Variants in METTL8 observed in about 807,000 individuals in gnomAD.
The protein encoded by METTL8 is tRNA N(3)-cytidine methyltransferase METTL8, mitochondrial.
METTL8 carries 32 observed loss-of-function variants against 48.7 expected under a neutral mutation model. The observed-to-expected ratio is 0.66, with a 90% CI of 0.50 to 0.88. METTL8 has a LOEUF of 0.88. METTL8 is among the 40% of genes least tolerant of loss of function. The probability of loss-of-function intolerance (pLI) is 0.00; values close to 1 mark genes in which losing one functional copy is unlikely to be tolerated. For missense variants in METTL8, 464 were observed against 474.4 expected (o/e 0.98, Z 0.20); for synonymous variants, 136 against 157.1 (o/e 0.87, Z 1.01).
chr2:171,353,776 T>A (rs1298990532), intron 3 of METTL8, among the ~76,000 whole-genome samples: 3 of 152,210 alleles, frequency 2.0e-5, no homozygotes, highest in Non-Finnish European at 4.4e-5. Context: ...AGACTAGGAT[T>A]GCAACCCCTG....
At chr2:171,404,036 A>G (rs770734111) in intron 1 of METTL8, among the ~76,000 whole-genome samples, 44 of 121,352 alleles carry the variant, frequency 3.6e-4, no homozygotes, top group Non-Finnish European at 5.7e-4. Flanking sequence ...CAAACCCTAT[A>G]CATACTATGC....
chr2:171,411,998 CCA>C (rs1389320401), intron 1 of METTL8, among the ~76,000 whole-genome samples: 1 of 152,146 alleles, frequency 6.6e-6, no homozygotes, highest in Non-Finnish European at 1.5e-5. Context: ...ATGCAGATGG[CCA>C]CTAGACACTT....
At chr2:171,389,826 G>C (rs1688423709) in intron 2 of METTL8, among the ~76,000 whole-genome samples, 2 of 152,220 alleles carry the variant, frequency 1.3e-5, no homozygotes, top group Non-Finnish European at 2.9e-5. Context: ...AGTGCTGATG[G>C]AGAAGCTGTA....
intron 3 of METTL8, among the ~76,000 whole-genome samples, chr2:171,343,683 A>T (rs777079043): frequency 2.6e-5 from 4 of 152,206 alleles, no homozygotes; most frequent in Non-Finnish European, 5.9e-5. Context: ...TGAATTCTTC[A>T]TTCAAATTGC....
chr2:171,391,064 G>C (rs1031373477), intron 2 of METTL8, among the ~76,000 whole-genome samples: 3 of 152,068 alleles, frequency 2.0e-5, no homozygotes, highest in African/African-American at 7.2e-5. Flanking sequence ...AAACTCCATT[G>C]TTGTCTTATT....
At chr2:171,397,049 T>C (rs1386490017) in intron 1 of METTL8, among the ~76,000 whole-genome samples, 1 of 151,170 alleles carries the variant, frequency 6.6e-6, no homozygotes, top group Admixed American at 6.6e-5. Flanking sequence ...CTTGAACTCC[T>C]AGGCTCAAGG....
At chr2:171,422,907 G>A (rs2105660558) in intron 1 of METTL8, among the ~76,000 whole-genome samples, 1 of 152,304 alleles carries the variant, frequency 6.6e-6, no homozygotes, top group Non-Finnish European at 1.5e-5. Flanking sequence ...TAAAAAAGCT[G>A]AAGGTGCATA....
intron 1 of METTL8, among the ~76,000 whole-genome samples, chr2:171,407,263 T>C (rs537131188): frequency 6.6e-6 from 1 of 152,144 alleles, no homozygotes; most frequent in East Asian, 1.9e-4. Context: ...GGAGGATCAC[T>C]TGAGCCCAGG....
At chr2:171,384,984 TA>T (rs922692594) in intron 2 of METTL8, among the ~76,000 whole-genome samples, 19 of 151,008 alleles carry the variant, frequency 1.3e-4, no homozygotes, top group African/African-American at 2.4e-4. Flanking sequence ...TTCTTAAAAT[TA>T]AAAAAAAATA....
intron 2 of METTL8, among the ~76,000 whole-genome samples, chr2:171,368,123 TAAA>T (rs1685909108): frequency 6.6e-6 from 1 of 152,180 alleles, no homozygotes; most frequent in African/African-American, 2.4e-5. Context: ...ATGAAACAAT[TAAA>T]AAATTTTCAA....
At chr2:171,380,289 AT>A (rs1472590872) in intron 2 of METTL8, among the ~76,000 whole-genome samples, 2 of 152,242 alleles carry the variant, frequency 1.3e-5, no homozygotes, top group Non-Finnish European at 2.9e-5. Context: ...CATGGCCAAT[AT>A]TATACTGAAT....
intron 3 of METTL8, among the ~76,000 whole-genome samples, chr2:171,349,198 T>TAC (rs1683611641): frequency 6.6e-6 from 1 of 152,196 alleles, no homozygotes; most frequent in Non-Finnish European, 1.5e-5. Context: ...CCAAATTATA[T>TAC]ATGTATTATA....
In METTL8 at chr2:171,356,952, A is replaced by ATGTTTTTTTTTGTTTTT; in HGVS notation, c.235+3469_235+3470insAAAAACAAAAAAAAACA. Among the ~76,000 whole-genome samples the ATGTTTTTTTTTGTTTTT allele has an allele frequency of 8.7e-4, 68 of 78,486 alleles. 11 individuals carry two copies. The East Asian group carries it at 0.01, about 12-fold the overall frequency. 51.5% of individuals were successfully genotyped at this position (78,486 alleles called of 152,430 possible). A position where few individuals can be genotyped will look rare whatever the true frequency, so the allele number is the denominator to read the frequency against. On this transcript the variant is annotated intron_variant, in intron 3 of 9. Coordinates refer to ENST00000375258, the MANE Select transcript of METTL8 (RefSeq NM_001321154.2). Reference sequence around the variant, plus strand: ...CAAATTAGCCTTGTTCAAAGACAATATTTTTTTTTTTTTTTTTGAGACAGG... The same window carrying ATGTTTTTTTTTGTTTTT: ...CAAATTAGCCTTGTTCAAAGACAATATGTTTTTTTTTGTTTTTTTTTTTTTTTTTTTTTTGAGACAGG...
chr2:171,376,161 C>T (rs1686941990), intron 2 of METTL8, among the ~76,000 whole-genome samples: 1 of 152,190 alleles, frequency 6.6e-6, no homozygotes, highest in South Asian at 2.1e-4. Flanking sequence ...CTGGGCTGGT[C>T]TATTTGCTTG....
Position 171,317,255 on chromosome 2 carries a change from A to G in METTL8, c.*6917T>C, listed in dbSNP as rs1288066049. ...ACACTTGATATATAAAGGTTAACTG[A>G]GGAAAAAATTAATTTCTGCGTTTTC... On this transcript the variant is annotated 3_prime_UTR_variant, in exon 10 of 10. Coordinates refer to ENST00000375258, the MANE Select transcript of METTL8 (RefSeq NM_001321154.2). 1 of 152,224 alleles carries G rather than the reference A, an allele frequency of 6.6e-6. No homozygotes were observed. Among genetic ancestry groups the G allele is most frequent in the African/African-American group, 2.4e-5 (1 of 41,448 alleles). 9.4% of individuals were successfully genotyped at this position (152,224 alleles called of 1,614,324 possible).
chr2:171,337,572 C>T (rs532539354), intron 4 of METTL8, 70 bp from the exon 5 acceptor site: 1 of 1,175,248 alleles, frequency 8.5e-7, no homozygotes, highest in Non-Finnish European at 1.2e-6. Context: ...GTCAGATCTC[C>T]TATTAAAGAA....
intron 3 of METTL8, among the ~76,000 whole-genome samples, chr2:171,356,016 T>C (rs962464192): frequency 1.3e-5 from 2 of 152,204 alleles, no homozygotes; most frequent in Non-Finnish European, 2.9e-5. Context: ...ATGAACCCAG[T>C]ACCTCAGTTG....
At chr2:171,384,177 A>G (rs1394063844) in intron 2 of METTL8, among the ~76,000 whole-genome samples, 1 of 152,244 alleles carries the variant, frequency 6.6e-6, no homozygotes, top group East Asian at 1.9e-4. Context: ...GAAGTCAGAC[A>G]TAAAAGGTCG....
intron 2 of METTL8, among the ~76,000 whole-genome samples, chr2:171,384,598 G>A (rs1478618377): frequency 6.6e-6 from 1 of 152,176 alleles, no homozygotes; most frequent in African/African-American, 2.4e-5. Flanking sequence ...AGGAGGCTGA[G>A]GCAGGAGGAC....
Sources: gnomAD v4.1 joint callset for allele counts (sites outside exome capture counted in the v4.1 genomes callset) on GRCh38, gnomAD v4.1.1 for gene constraint, MANE v1.5 for transcripts, NCBI Gene and HGNC (gene_info 2026-07-23, HGNC 2026-07-21) for gene names.